GALNTL6: variants seen among roughly 807,000 people sequenced by gnomAD.
The protein encoded by GALNTL6 is polypeptide N-acetylgalactosaminyltransferase-like 6.
GALNTL6 carries 46 observed loss-of-function variants against 73.7 expected under a neutral mutation model. The ratio of observed to expected loss-of-function variants is 0.62; its 90% CI spans 0.49 to 0.80. The LOEUF (loss-of-function observed/expected upper bound fraction) is 0.80. Ranked by LOEUF, GALNTL6 falls within the 30% of genes least tolerant of loss-of-function variation. The pLI is 0.00. For missense variants in GALNTL6, 604 were observed against 755.0 expected (o/e 0.80, Z 2.34); for synonymous variants, 259 against 263.7 (o/e 0.98, Z 0.17).
intron 5 of GALNTL6, among the ~76,000 whole-genome samples, chr4:172,456,967 C>G (rs1201673240): frequency 6.6e-6 from 1 of 152,054 alleles, no homozygotes; most frequent in Non-Finnish European, 1.5e-5. Context: ...GTCAGGTTAC[C>G]CACAAAGGGA....
rs369071815 is a variant in GALNTL6 at position 172,850,856 on chromosome 4, G to A, written c.924-31934G>A. ...CATAAAGGATATTACAAAGAATACA[G>A]CTGAACAGCCAAATTAAAAGATGTG... On this transcript the variant is annotated intron_variant, in intron 7 of 12. Transcript: ENST00000506823. Among the ~76,000 whole-genome samples the A allele has an allele frequency of 6.6e-5, 10 of 152,240 alleles. No individual in the cohort carries two copies. In the East Asian group the frequency reaches 1.9e-3, roughly 29 times the overall value.
At chr4:172,577,539 C>T (rs1737004909) in intron 5 of GALNTL6, among the ~76,000 whole-genome samples, 1 of 152,098 alleles carries the variant, frequency 6.6e-6, no homozygotes, top group African/African-American at 2.4e-5. Flanking sequence ...ATAGCTAATG[C>T]CTTCCTCTCA....
At chr4:172,151,005 T>C (rs547291782) in intron 2 of GALNTL6, among the ~76,000 whole-genome samples, 51 of 152,286 alleles carry the variant, frequency 3.3e-4, no homozygotes, top group Admixed American at 1.1e-3. Context: ...AAAATATTTG[T>C]TTACTGGACC....
chr4:172,880,007 A>G (rs1745375842), intron 7 of GALNTL6, among the ~76,000 whole-genome samples: 1 of 152,108 alleles, frequency 6.6e-6, no homozygotes, highest in East Asian at 1.9e-4. Context: ...ACTGACCATA[A>G]CAAGTGTTGG....
chr4:172,821,311 G>C (rs1741912450), intron 7 of GALNTL6, among the ~76,000 whole-genome samples: 1 of 152,134 alleles, frequency 6.6e-6, no homozygotes, highest in African/African-American at 2.4e-5. Flanking sequence ...TCAAATCTTA[G>C]CTTTAATCAA....
chr4:172,291,704 C>T (rs759027345), intron 3 of GALNTL6, among the ~76,000 whole-genome samples: 2 of 151,776 alleles, frequency 1.3e-5, no homozygotes, highest in Non-Finnish European at 2.9e-5. Flanking sequence ...GTTTTCAGGC[C>T]ATATCACGCT....
intron 5 of GALNTL6, among the ~76,000 whole-genome samples, chr4:172,414,164 T>C (rs1216673281): frequency 2.0e-5 from 3 of 152,140 alleles, no homozygotes; most frequent in African/African-American, 7.2e-5. Context: ...CCCAAACTAG[T>C]AGTCATAAGA....
chr4:172,751,492 G>GA (rs1169913432), intron 5 of GALNTL6, among the ~76,000 whole-genome samples: 1 of 152,044 alleles, frequency 6.6e-6, no homozygotes, highest in African/African-American at 2.4e-5. Flanking sequence ...TGCTACAAAG[G>GA]AAAAAAATGA....
chr4:171,872,686 G>A (rs982512598), intron 2 of GALNTL6, among the ~76,000 whole-genome samples: 14 of 152,100 alleles, frequency 9.2e-5, no homozygotes, highest in African/African-American at 3.4e-4. Flanking sequence ...TTTGCATATT[G>A]TTCTCCATCT....
chr4:172,106,368 A>G (rs1732675255), intron 2 of GALNTL6, among the ~76,000 whole-genome samples: 1 of 152,184 alleles, frequency 6.6e-6, no homozygotes, highest in Admixed American at 6.5e-5. Flanking sequence ...CCTGTTAAGT[A>G]GAGAATCAAC....
intron 5 of GALNTL6, among the ~76,000 whole-genome samples, chr4:172,403,541 A>T (rs1744113775): frequency 6.8e-6 from 1 of 146,048 alleles, no homozygotes; most frequent in South Asian, 2.1e-4. Flanking sequence ...GGTTAGCCAA[A>T]AATTGTCTTA....
At chr4:172,302,703 TCA>T (rs1206496410) in intron 3 of GALNTL6, among the ~76,000 whole-genome samples, 1 of 152,202 alleles carries the variant, frequency 6.6e-6, no homozygotes, top group Non-Finnish European at 1.5e-5. Flanking sequence ...TACTTTATTG[TCA>T]GAAAAATTCA....
chr4:172,171,904 T>C (rs781755840), intron 2 of GALNTL6, among the ~76,000 whole-genome samples: 11 of 152,134 alleles, frequency 7.2e-5, no homozygotes, highest in Non-Finnish European at 1.5e-4. Context: ...CCCAAAAGTT[T>C]TGTAGCCATC....
chr4:171,985,740 T>TTATATATA (rs144030359), intron 2 of GALNTL6, among the ~76,000 whole-genome samples: 2,741 of 148,026 alleles, frequency 0.019, 55 homozygotes, highest in African/African-American at 0.048. Flanking sequence ...CTCTATAAAA[T>TTATATATA]TATATATATA....
intron 3 of GALNTL6, among the ~76,000 whole-genome samples, chr4:172,246,265 G>C (rs1439625455): frequency 6.6e-6 from 1 of 151,978 alleles, no homozygotes; most frequent in Non-Finnish European, 1.5e-5. Context: ...TTTTATTATT[G>C]GACTAGAATG....
intron 5 of GALNTL6, among the ~76,000 whole-genome samples, chr4:172,395,929 T>G (rs952771021): frequency 4.6e-5 from 7 of 152,140 alleles, no homozygotes; most frequent in Non-Finnish European, 8.8e-5. Flanking sequence ...CACTGCTTCA[T>G]TCTCTGACTT....
intron 2 of GALNTL6, among the ~76,000 whole-genome samples, chr4:171,876,386 T>A (rs1278502916): frequency 1.3e-5 from 2 of 152,188 alleles, no homozygotes; most frequent in Non-Finnish European, 2.9e-5. Context: ...TTTCAAATAA[T>A]AAGTACTACA....
chr4:172,104,021 G>C (rs1179144737), intron 2 of GALNTL6, among the ~76,000 whole-genome samples: 4 of 149,930 alleles, frequency 2.7e-5, no homozygotes, highest in Non-Finnish European at 3.0e-5. Flanking sequence ...TCCGCTCACT[G>C]CAAGCTCCGC....
intron 4 of GALNTL6, among the ~76,000 whole-genome samples, chr4:172,341,217 CG>C (rs1248405865): frequency 6.6e-6 from 1 of 151,624 alleles, no homozygotes; most frequent in Admixed American, 6.6e-5. Flanking sequence ...TTTGGGAGGC[CG>C]AGGCGGGCGG....
Sources: allele counts gnomAD v4.1 joint callset (sites outside exome capture counted in the v4.1 genomes callset), GRCh38; gene constraint gnomAD v4.1.1; transcripts MANE v1.5; gene names NCBI Gene and HGNC (gene_info 2026-07-23, HGNC 2026-07-21).